The following CCM2L variants were observed in gnomAD, a reference collection of about 807,000 sequenced individuals.
The protein encoded by CCM2L is cerebral cavernous malformations 2 protein-like.
CCM2L carries 36 observed loss-of-function variants against 54.1 expected under a neutral mutation model. That is an observed-to-expected ratio of 0.67 (90% CI 0.51 to 0.88). The LOEUF (loss-of-function observed/expected upper bound fraction) is 0.88, where lower values mean the gene tolerates loss of function less well. Among genes scored for constraint, CCM2L ranks in the 40% least tolerant of loss-of-function variants. The pLI is 0.00. For missense variants in CCM2L, 700 were observed against 812.1 expected, an observed-to-expected ratio of 0.86 and a Z score of 1.68; for synonymous variants, 351 against 359.3, an observed-to-expected ratio of 0.98 and a Z score of 0.26.
Position 32,022,737 on chromosome 20 carries a change from G to A in CCM2L, c.1011G>A (p.Val337=). Residue 337 remains valine, a synonymous_variant, in exon 6 of 10, where the codon GTG becomes GTA. Coordinates refer to ENST00000452892, the MANE Select transcript of CCM2L (RefSeq NM_001365692.1). ...IIYGDQSIEC[V]DRAGYHYTST... ...ACGGGGACCAGAGTATTGAGTGTGT[G>A]GACCGGGCTGGCTACCACTACACAT... The A allele has an allele frequency of 1.2e-6, 2 of 1,613,836 alleles. No homozygotes were observed. Among genetic ancestry groups the A allele is most frequent in the South Asian group, 2.2e-5 (2 of 91,058 alleles).
chr20:32,029,760 C>G lies in CCM2L; in HGVS notation c.1324C>G (p.Arg442Gly). Reference protein sequence around the residue: ...QQFAMLLREYRLGLPIQDYCT... With the variant: ...QQFAMLLREYGLGLPIQDYCT... ...GTTTGCGATGCTGCTGCGGGAGTACCGGCTGGGGCTGCCCATCCAGGACTA... is the reference window on the plus strand; with the variant it reads ...GTTTGCGATGCTGCTGCGGGAGTACGGGCTGGGGCTGCCCATCCAGGACTA... The change falls in exon 9 of 10, where the codon CGG becomes GGG. Residue 442 changes from arginine (R) to glycine (G), a missense_variant. By Grantham distance (125) the Arg-to-Gly change is moderately radical. Transcript: ENST00000452892. 6.2e-7 allele frequency: 1 copy of G among 1,613,428 alleles called. No homozygotes were observed. The highest frequency in any genetic ancestry group is 2.2e-5 in the East Asian group (1 of 44,830).
At chr20:32,022,845 G>C (rs1440207333) in intron 6 of CCM2L, 50 bp downstream of exon 6, 1 of 1,597,116 alleles carries the variant, frequency 6.3e-7, no homozygotes, top group African/African-American at 1.3e-5. Flanking sequence ...TCCCAAAAAG[G>C]CCAGGGGAGG....
chr20:32,026,872 T>C (rs1322101295), intron 7 of CCM2L, among the ~76,000 whole-genome samples: 9 of 140,098 alleles, frequency 6.4e-5, no homozygotes, highest in Non-Finnish European at 9.1e-5. Context: ...CGAGACTCTA[T>C]CTCAAAAAAA....
chr20:32,017,274 CTTCCCT>C (rs1406141798), intron 2 of CCM2L, among the ~76,000 whole-genome samples: 1 of 152,228 alleles, frequency 6.6e-6, no homozygotes, highest in Non-Finnish European at 1.5e-5. Flanking sequence ...ATCCAACATT[CTTCCCT>C]TTCCATTTGA....
intron 3 of CCM2L, 36 bp from the exon 4 acceptor site, chr20:32,017,943 G>A: frequency 6.2e-7 from 1 of 1,613,202 alleles, no homozygotes; most frequent in Non-Finnish European, 8.5e-7. Flanking sequence ...TTCTACCTGC[G>A]GACCTCGGGA....
chr20:32,021,137 T>C (rs1456713580), intron 5 of CCM2L, among the ~76,000 whole-genome samples: 2 of 152,136 alleles, frequency 1.3e-5, no homozygotes, highest in East Asian at 3.9e-4. Context: ...CCCGTTAACA[T>C]GAAAGCCACA....
At position 32,028,976 on chromosome 20, in the gene CCM2L, C is replaced by G; in HGVS notation, c.1134-19C>G. The G allele has an allele frequency of 1.9e-6, 3 of 1,613,648 alleles. No homozygotes were observed. Among genetic ancestry groups the G allele is most frequent in the Non-Finnish European group, 2.5e-6 (3 of 1,179,818 alleles). ...AGCTGGAGGGAGGCGAGTGAAGGCC[C>G]TTCTTCCCGTGCCTGCAGTAATGGC... On this transcript the variant is annotated intron_variant, in intron 7 of 9. Transcript: ENST00000452892.
intron 2 of CCM2L, among the ~76,000 whole-genome samples, chr20:32,016,610 C>G (rs1182125611): frequency 6.6e-6 from 1 of 151,942 alleles, no homozygotes; most frequent in Non-Finnish European, 1.5e-5. Flanking sequence ...GAGCCGAGCT[C>G]ACACTGCTGC....
At chr20:32,021,414 G>A (rs1177926500) in intron 5 of CCM2L, among the ~76,000 whole-genome samples, 6 of 152,152 alleles carry the variant, frequency 3.9e-5, no homozygotes, top group African/African-American at 1.4e-4. Context: ...CCAACACTTT[G>A]GGAGGCTGAG....
intron 7 of CCM2L, chr20:32,028,794 G>C (rs764084833): frequency 1.8e-5 from 11 of 611,336 alleles, no homozygotes; most frequent in East Asian, 2.9e-5. Flanking sequence ...GAAGGAGAAG[G>C]GGGGTGGGGG....
At chr20:32,029,656 G>T in intron 8 of CCM2L, 44 bp from the exon 9 acceptor site, 1 of 1,562,376 alleles carries the variant, frequency 6.4e-7, no homozygotes, top group Non-Finnish European at 8.7e-7. Flanking sequence ...GGGTTGGGTG[G>T]CGCTGCTTCC....
At position 32,028,985 on chromosome 20, in the gene CCM2L, G is replaced by C. The variant is rs529942324; in HGVS notation, c.1134-10G>C. 1 of 1,613,920 alleles carries C rather than the reference G, an allele frequency of 6.2e-7. No homozygotes were observed. The highest frequency in any genetic ancestry group is 1.7e-5 in the Admixed American group (1 of 60,014). On this transcript the variant is annotated splice_polypyrimidine_tract_variant and intron_variant, in intron 7 of 9. Transcript: ENST00000452892. ...GAGGCGAGTGAAGGCCCTTCTTCCC[G>C]TGCCTGCAGTAATGGCTCCCAGGAC...
chr20:32,027,482 A>G (rs2064873630), intron 7 of CCM2L, among the ~76,000 whole-genome samples: 1 of 152,234 alleles, frequency 6.6e-6, no homozygotes, highest in African/African-American at 2.4e-5. Context: ...TATAGCCCAT[A>G]ATTCTAAGTG....
At chr20:32,010,517 G>A in intron 1 of CCM2L, 33 bp downstream of exon 1, 2 of 1,505,360 alleles carry the variant, frequency 1.3e-6, no homozygotes, top group East Asian at 2.6e-5. Context: ...CGAAGGGAGA[G>A]GAATGTCCCC....
intron 6 of CCM2L, 55 bp downstream of exon 6, chr20:32,022,850 G>C (rs2064818677): frequency 6.3e-7 from 1 of 1,592,116 alleles, no homozygotes; most frequent in Admixed American, 1.7e-5. Flanking sequence ...AAAAGGCCAG[G>C]GGAGGGAAGA....
chr20:32,026,015 T>A, intron 7 of CCM2L, 96 bp downstream of exon 7: 2 of 926,148 alleles, frequency 2.2e-6, no homozygotes, highest in Admixed American at 2.3e-5. Context: ...CCAACCTTGA[T>A]GTGTGCTGAG....
At chr20:32,030,917 A>G in intron 9 of CCM2L, 84 bp from the exon 10 acceptor site, 1 of 1,199,670 alleles carries the variant, frequency 8.3e-7, no homozygotes, top group Non-Finnish European at 1.1e-6. Context: ...AGGGATTTGC[A>G]CCCAGATCTG....
intron 1 of CCM2L, among the ~76,000 whole-genome samples, chr20:32,012,299 T>C (rs777982755): frequency 2.0e-5 from 3 of 152,094 alleles, no homozygotes; most frequent in Admixed American, 6.6e-5. Context: ...GACTCACGCC[T>C]GTAATCGCAA....
intron 2 of CCM2L, among the ~76,000 whole-genome samples, chr20:32,015,798 C>T (rs73102700): frequency 0.087 from 13,197 of 151,732 alleles, 621 homozygotes; most frequent in African/African-American, 0.13. Flanking sequence ...TGCTGTTACT[C>T]GGACAGCGTC....
Sources: allele counts gnomAD v4.1 joint callset (sites outside exome capture counted in the v4.1 genomes callset), GRCh38; gene constraint gnomAD v4.1.1; transcripts MANE v1.5; gene names NCBI Gene and HGNC (gene_info 2026-07-23, HGNC 2026-07-21).